LRRTM4: variants seen among roughly 807,000 people sequenced by gnomAD.
LRRTM4 encodes leucine-rich repeat transmembrane neuronal protein 4.
Under a neutral mutation model 47.6 loss-of-function variants are expected in LRRTM4, and 25 were observed. The ratio of observed to expected loss-of-function variants is 0.53; its 90% CI spans 0.38 to 0.73. The LOEUF is 0.73. Ranked by LOEUF, LRRTM4 falls within the 30% of genes least tolerant of loss-of-function variation. LRRTM4 has a pLI of 0.00. For missense variants in LRRTM4, 638 were observed against 713.4 expected (o/e 0.89, Z 1.20); for synonymous variants, 311 against 269.5 (o/e 1.15, Z -1.51).
At chr2:77,286,123 C>G (rs1573196265) in intron 3 of LRRTM4, among the ~76,000 whole-genome samples, 1 of 151,990 alleles carries the variant, frequency 6.6e-6, no homozygotes, top group Admixed American at 6.6e-5. Context: ...TGGATGTTTC[C>G]TGTTATTTTC....
intron 3 of LRRTM4, among the ~76,000 whole-genome samples, chr2:77,209,141 G>T (rs1450166096): frequency 6.6e-6 from 1 of 152,030 alleles, no homozygotes; most frequent in African/African-American, 2.4e-5. Flanking sequence ...GACTTTGAAT[G>T]GTTATCAAGA....
At chr2:76,881,310 AATTCACAGAATTTACT>A (rs1322882612) in intron 3 of LRRTM4, among the ~76,000 whole-genome samples, 14 of 152,272 alleles carry the variant, frequency 9.2e-5, no homozygotes, top group Admixed American at 2.0e-4. Flanking sequence ...GACATTCAAC[AATTCACAGAATTTACT>A]ATTCACACAT....
intron 3 of LRRTM4, among the ~76,000 whole-genome samples, chr2:77,086,069 TTTG>T (rs1476261027): frequency 6.6e-6 from 1 of 152,188 alleles, no homozygotes; most frequent in African/African-American, 2.4e-5. Context: ...CTTGATTATA[TTTG>T]TTAAGTAATT....
At chr2:76,795,983 C>G (rs567342241) in intron 3 of LRRTM4, among the ~76,000 whole-genome samples, 2 of 145,898 alleles carry the variant, frequency 1.4e-5, no homozygotes, top group Non-Finnish European at 3.0e-5. Flanking sequence ...CGAAGCAGGG[C>G]GAGGCATTGC....
chr2:77,169,666 C>T (rs1431045423), intron 3 of LRRTM4, among the ~76,000 whole-genome samples: 3 of 152,040 alleles, frequency 2.0e-5, no homozygotes, highest in African/African-American at 7.2e-5. Context: ...GCCCTTTTTC[C>T]TTATGCCATA....
intron 3 of LRRTM4, among the ~76,000 whole-genome samples, chr2:77,360,752 G>T (rs2104315227): frequency 6.6e-6 from 1 of 152,166 alleles, no homozygotes; most frequent in Non-Finnish European, 1.5e-5. Context: ...GGAATTGAAT[G>T]AAATTCAACA....
At chr2:76,841,147 C>T (rs985153857) in intron 3 of LRRTM4, among the ~76,000 whole-genome samples, 1 of 151,234 alleles carries the variant, frequency 6.6e-6, no homozygotes, top group African/African-American at 2.4e-5. Flanking sequence ...AAGCTGGAAA[C>T]CACCATTCTC....
chr2:77,174,652 T>C (rs1031430687), intron 3 of LRRTM4, among the ~76,000 whole-genome samples: 17 of 150,994 alleles, frequency 1.1e-4, no homozygotes, highest in Admixed American at 4.6e-4. Flanking sequence ...TTTTTTTGTT[T>C]GTTTTTTTTA....
chr2:76,947,349 G>A (rs371604013), intron 3 of LRRTM4, among the ~76,000 whole-genome samples: 6 of 151,886 alleles, frequency 4.0e-5, no homozygotes, highest in African/African-American at 1.4e-4. Flanking sequence ...TTGATAGGCT[G>A]CATAACTTCT....
intron 3 of LRRTM4, among the ~76,000 whole-genome samples, chr2:77,153,730 G>C (rs1672487815): frequency 6.6e-6 from 1 of 152,064 alleles, no homozygotes; most frequent in Non-Finnish European, 1.5e-5. Context: ...TTTTTACCTA[G>C]GGGAAAACAT....
intron 3 of LRRTM4, among the ~76,000 whole-genome samples, chr2:77,305,171 A>G (rs1677239036): frequency 6.6e-6 from 1 of 152,072 alleles, no homozygotes; most frequent in South Asian, 2.1e-4. Context: ...TTTTTTCTAA[A>G]TCCAAAACTA....
chr2:76,910,814 C>T (rs544370462), intron 3 of LRRTM4, among the ~76,000 whole-genome samples: 21 of 152,264 alleles, frequency 1.4e-4, no homozygotes, highest in African/African-American at 4.1e-4. Flanking sequence ...TTTCTTTTAA[C>T]ATTGGAATAT....
At chr2:76,845,653 G>T (rs1671817008) in intron 3 of LRRTM4, among the ~76,000 whole-genome samples, 1 of 152,126 alleles carries the variant, frequency 6.6e-6, no homozygotes, top group Non-Finnish European at 1.5e-5. Flanking sequence ...CTATTAAATG[G>T]AAGTACCACC....
intron 3 of LRRTM4, among the ~76,000 whole-genome samples, chr2:77,021,408 C>A (rs78596101): frequency 0.04 from 6,120 of 152,176 alleles, 408 homozygotes; most frequent in African/African-American, 0.14. Context: ...CTTCTGTCAT[C>A]TACACATTAA....
chr2:76,842,892 G>C (rs537260729), intron 3 of LRRTM4, among the ~76,000 whole-genome samples: 10 of 152,224 alleles, frequency 6.6e-5, no homozygotes, highest in African/African-American at 2.4e-4. Flanking sequence ...ATATTGCTGA[G>C]ATCCACCTAT....
chr2:76,933,670 T>C (rs1674848029), intron 3 of LRRTM4, among the ~76,000 whole-genome samples: 1 of 152,114 alleles, frequency 6.6e-6, no homozygotes, highest in South Asian at 2.1e-4. Context: ...TTATATTGAT[T>C]GAAAGCTGCC....
Position 77,522,334 on chromosome 2 carries a change from G to A in LRRTM4, c.-373C>T. 2.0e-6 allele frequency: 1 copy of A among 491,272 alleles called. No individual in the cohort carries two copies. Among genetic ancestry groups the A allele is most frequent in the South Asian group, 3.1e-5 (1 of 32,468 alleles). The allele number at this position is 491,272 out of a possible 1,614,324, so 30.4% of individuals were successfully genotyped here. A position where few individuals can be genotyped will look rare whatever the true frequency, so the allele number is the denominator to read the frequency against. ...AGAAGGCTTTCCAGAGACTGATGATGCTCAGAGCTTGTTGGTGCTAATGCT... is the reference window on the plus strand; with the variant it reads ...AGAAGGCTTTCCAGAGACTGATGATACTCAGAGCTTGTTGGTGCTAATGCT... On this transcript the variant is annotated 5_prime_UTR_variant, in exon 1 of 4. Coordinates refer to ENST00000409884, the MANE Select transcript of LRRTM4 (RefSeq NM_001134745.3).
intron 3 of LRRTM4, among the ~76,000 whole-genome samples, chr2:76,785,015 C>T (rs1011878083): frequency 6.6e-6 from 1 of 152,044 alleles, no homozygotes; most frequent in African/African-American, 2.4e-5. Flanking sequence ...ATATGGAAAA[C>T]TTTCTATAGT....
intron 3 of LRRTM4, among the ~76,000 whole-genome samples, chr2:77,402,776 C>G (rs1674010867): frequency 6.6e-6 from 1 of 151,950 alleles, no homozygotes; most frequent in South Asian, 2.1e-4. Flanking sequence ...CTCAGCCCCT[C>G]AATTACTATG....
Sources: allele counts gnomAD v4.1 joint callset (sites outside exome capture counted in the v4.1 genomes callset), GRCh38; gene constraint gnomAD v4.1.1; transcripts MANE v1.5; gene names NCBI Gene and HGNC (gene_info 2026-07-23, HGNC 2026-07-21).